Variants in SCHIP1 observed in about 807,000 individuals in gnomAD.
SCHIP1 encodes schwannomin interacting protein 1.
Under a neutral mutation model 29.7 loss-of-function variants are expected in SCHIP1, and 8 were observed. That is an observed-to-expected ratio of 0.27 (90% CI 0.16 to 0.49). The LOEUF (loss-of-function observed/expected upper bound fraction) is 0.49. SCHIP1 is among the 20% of genes least tolerant of loss of function. The pLI, the probability that SCHIP1 is intolerant of heterozygous loss-of-function variation, is 0.99. For missense variants in SCHIP1, 193 were observed against 294.6 expected, an observed-to-expected ratio of 0.66 and a Z score of 2.52; for synonymous variants, 76 against 94.9, an observed-to-expected ratio of 0.80 and a Z score of 1.16.
At chr3:159,493,057 A>AT in the SCHIP1 span, among the ~76,000 whole-genome samples, 3 of 152,336 alleles carry the variant, frequency 2.0e-5, no homozygotes, top group Admixed American at 6.5e-5. Flanking sequence ...ATGCTGAGTG[A>AT]TTTTGTCACC....
At chr3:159,525,499 G>T in the SCHIP1 span, among the ~76,000 whole-genome samples, 2 of 152,154 alleles carry the variant, frequency 1.3e-5, no homozygotes, top group African/African-American at 4.8e-5. Context: ...ATACTTGAAT[G>T]GTCATAGCAA....
At chr3:159,362,811 C>G in the SCHIP1 span, among the ~76,000 whole-genome samples, 1 of 152,134 alleles carries the variant, frequency 6.6e-6, no homozygotes, top group African/African-American at 2.4e-5. Context: ...ATACTGCTGT[C>G]TCTACACAGG....
chr3:159,656,782 C>T, the SCHIP1 span, among the ~76,000 whole-genome samples: 2 of 152,180 alleles, frequency 1.3e-5, no homozygotes, highest in African/African-American at 2.4e-5. Flanking sequence ...ATATAAGGTA[C>T]TTTCTCCATT....
At chr3:159,549,133 G>A in the SCHIP1 span, among the ~76,000 whole-genome samples, 1 of 152,124 alleles carries the variant, frequency 6.6e-6, no homozygotes, top group Admixed American at 6.6e-5. Context: ...ATTAGCTGTA[G>A]TCTGACTCAT....
the SCHIP1 span, among the ~76,000 whole-genome samples, chr3:159,744,748 C>T: frequency 3.2e-3 from 493 of 152,186 alleles, 4 homozygotes; most frequent in African/African-American, 0.011. Flanking sequence ...GAGGCCGAGG[C>T]GGGTGGATCA....
the SCHIP1 span, among the ~76,000 whole-genome samples, chr3:159,812,998 C>G: frequency 6.6e-6 from 1 of 152,120 alleles, no homozygotes; most frequent in Admixed American, 6.5e-5. Flanking sequence ...TGAGAGGCAG[C>G]CTTGCTTTAT....
intron 2 of SCHIP1, among the ~76,000 whole-genome samples, chr3:159,874,634 G>A (rs545277465): frequency 3.3e-5 from 5 of 152,288 alleles, no homozygotes; most frequent in South Asian, 2.1e-4. Flanking sequence ...AATGTGCCAC[G>A]AATCACAGGT....
At chr3:159,812,267 G>A in the SCHIP1 span, among the ~76,000 whole-genome samples, 5 of 151,984 alleles carry the variant, frequency 3.3e-5, no homozygotes, top group Admixed American at 6.5e-5. Context: ...CATCGCGCCC[G>A]GCCTGTAGTT....
At chr3:159,870,977 T>G (rs1159789790) in intron 2 of SCHIP1, among the ~76,000 whole-genome samples, 2 of 152,188 alleles carry the variant, frequency 1.3e-5, no homozygotes, top group African/African-American at 4.8e-5. Flanking sequence ...GTGGTTATAA[T>G]ATTATACATA....
the SCHIP1 span, among the ~76,000 whole-genome samples, chr3:159,483,268 C>T: frequency 6.6e-6 from 1 of 152,144 alleles, no homozygotes; most frequent in Non-Finnish European, 1.5e-5. Flanking sequence ...GATTGCTTGA[C>T]ATAATGATTT....
chr3:159,329,561 G>C, the SCHIP1 span, among the ~76,000 whole-genome samples: 1 of 152,182 alleles, frequency 6.6e-6, no homozygotes, highest in South Asian at 2.1e-4. Flanking sequence ...GGTTCAGAGT[G>C]AGGGCATGAG....
At chr3:159,536,273 G>A in the SCHIP1 span, among the ~76,000 whole-genome samples, 1 of 152,000 alleles carries the variant, frequency 6.6e-6, no homozygotes, top group Non-Finnish European at 1.5e-5. Flanking sequence ...ATTTTCCTCC[G>A]AGTTAAATCA....
At chr3:159,588,359 GT>G in the SCHIP1 span, among the ~76,000 whole-genome samples, 2 of 152,034 alleles carry the variant, frequency 1.3e-5, no homozygotes, top group African/African-American at 4.8e-5. Context: ...GTAGATTCTG[GT>G]ATTAGCCCTT....
chr3:159,521,635 G>A, the SCHIP1 span, among the ~76,000 whole-genome samples: 1 of 152,200 alleles, frequency 6.6e-6, no homozygotes, highest in African/African-American at 2.4e-5. Flanking sequence ...TCCAAGTACT[G>A]CTTCTTCGCT....
chr3:159,345,577 T>TCA, the SCHIP1 span, among the ~76,000 whole-genome samples: 4 of 151,760 alleles, frequency 2.6e-5, no homozygotes, highest in African/African-American at 9.7e-5. Flanking sequence ...TCTCTCTCTC[T>TCA]CTCACTCACT....
At chr3:159,545,483 C>G in the SCHIP1 span, among the ~76,000 whole-genome samples, 14 of 151,818 alleles carry the variant, frequency 9.2e-5, no homozygotes, top group South Asian at 2.5e-3. Flanking sequence ...AGTTTTGGAA[C>G]CTGGACTGGC....
At chr3:159,888,844 G>A in exon 5 of SCHIP1, 1 of 1,613,990 alleles carries the variant, frequency 6.2e-7, no homozygotes, top group Non-Finnish European at 8.5e-7. Context: ...TCATATAAGT[G>A]AATGCTTGAT....
chr3:159,844,521 T>C (rs1347398049), intron 1 of SCHIP1, among the ~76,000 whole-genome samples: 1 of 152,256 alleles, frequency 6.6e-6, no homozygotes, highest in African/African-American at 2.4e-5. Flanking sequence ...GTCTTAGCCC[T>C]GTTAAAAGAT....
chr3:159,881,914 T>G (rs1716478266), intron 2 of SCHIP1, among the ~76,000 whole-genome samples: 1 of 152,198 alleles, frequency 6.6e-6, no homozygotes, highest in Non-Finnish European at 1.5e-5. Context: ...GGGCTTCAGT[T>G]GAGACAACTG....
Sources: allele counts gnomAD v4.1 joint callset (sites outside exome capture counted in the v4.1 genomes callset), GRCh38; gene constraint gnomAD v4.1.1; transcripts MANE v1.5; gene names NCBI Gene and HGNC (gene_info 2026-07-23, HGNC 2026-07-21).